Variants in HMCN2 observed in about 807,000 individuals in gnomAD.
HMCN2 encodes the protein hemicentin-2.
A neutral mutation model predicts 377.5 loss-of-function variants in HMCN2; 325 were observed. That is an observed-to-expected ratio of 0.86 (90% CI 0.79 to 0.94). The LOEUF is 0.94. HMCN2 is among the 40% of genes least tolerant of loss of function. The probability of loss-of-function intolerance (pLI) is 0.00; values close to 1 mark genes in which losing one functional copy is unlikely to be tolerated. For synonymous variants in HMCN2, 2,007 were observed against 2,046.8 expected (o/e 0.98, Z 0.53); for missense variants, 4,543 against 4,725.3 (o/e 0.96, Z 1.13).
intron 62 of HMCN2, among the ~76,000 whole-genome samples, chr9:130,389,678 G>A (rs1030278322): frequency 1.3e-5 from 2 of 151,768 alleles, no homozygotes; most frequent in Non-Finnish European, 2.9e-5. Context: ...GGGTTGAAGC[G>A]ATTCTCCTGC....
chr9:130,356,169 T>C lies in HMCN2; in HGVS notation c.5337T>C (p.His1779=), dbSNP rs1356826510. ...ASQGTTLHID[H]VELDHSGLFA... ...AGGGGACCACACTGCACATTGACCA[T>C]GTGGAGCTGGACCACTCAGGCCTCT... The change falls in exon 34 of 98, where the codon CAT becomes CAC. Residue 1779 remains histidine, a synonymous_variant. Transcript: ENST00000683500. 1.5e-6 allele frequency: 2 copies of C among 1,303,054 alleles called. No individual in the cohort carries two copies. Among genetic ancestry groups the C allele is most frequent in the South Asian group, 1.2e-5 (1 of 81,000 alleles). 80.7% of individuals were successfully genotyped at this position (1,303,054 alleles called of 1,614,324 possible).
At chr9:130,384,619 G>C (rs558069188) in intron 58 of HMCN2, 66 bp from the exon 59 acceptor site, 10 of 1,300,328 alleles carry the variant, frequency 7.7e-6, no homozygotes, top group Admixed American at 2.3e-5. Flanking sequence ...GCCGTCAGTC[G>C]TGCAGGGATT....
Position 130,427,592 on chromosome 9 carries a change from C to T in HMCN2, c.14038C>T (p.Leu4680=), listed in dbSNP as rs1217529078. The T allele has an allele frequency of 2.6e-6, 4 of 1,550,326 alleles. No homozygotes were observed. Among genetic ancestry groups the T allele is most frequent in the African/African-American group, 2.7e-5 (2 of 73,068 alleles). ...CTGCACCTGCCCCACTGGCTTCGCCCTGGCCTGGGATGACAGGAACTGCAG... is the reference window on the plus strand; with the variant it reads ...CTGCACCTGCCCCACTGGCTTCGCCTTGGCCTGGGATGACAGGAACTGCAG... ...FSCTCPTGFA[L]AWDDRNCRDV... Residue 4680 remains leucine (L), a synonymous_variant, in exon 92 of 98, where the codon CTG becomes TTG. Coordinates refer to ENST00000683500, the MANE Select transcript of HMCN2 (RefSeq NM_001291815.2).
At chr9:130,300,798 C>T (rs544460739) in intron 8 of HMCN2, among the ~76,000 whole-genome samples, 8 of 152,306 alleles carry the variant, frequency 5.3e-5, no homozygotes, top group South Asian at 2.1e-4. Context: ...GAGGTCTCAC[C>T]GTTCAGGCTG....
chr9:130,404,220 C>T (rs1842981657), intron 80 of HMCN2, among the ~76,000 whole-genome samples: 1 of 152,142 alleles, frequency 6.6e-6, no homozygotes, highest in South Asian at 2.1e-4. Context: ...GCATCACTGG[C>T]CAAAAATCTG....
intron 27 of HMCN2, 134 bp from the exon 28 acceptor site, chr9:130,348,848 GCA>G (rs1839538759): frequency 8.3e-7 from 1 of 1,207,252 alleles, no homozygotes; most frequent in South Asian, 1.4e-5. Context: ...GTGAAGCCTG[GCA>G]GGGGCTGCGT....
intron 53 of HMCN2, among the ~76,000 whole-genome samples, chr9:130,378,906 G>A (rs1322447171): frequency 6.6e-6 from 1 of 152,172 alleles, no homozygotes; most frequent in African/African-American, 2.4e-5. Context: ...CATTTCTAAA[G>A]CTGATGATTT....
chr9:130,371,213 T>C, intron 46 of HMCN2, 82 bp downstream of exon 46: 1 of 812,126 alleles, frequency 1.2e-6, no homozygotes, highest in Non-Finnish European at 1.5e-6. Context: ...GCCCATGACC[T>C]CTGACTCTGA....
Position 130,428,521 on chromosome 9 carries a change from A to G in HMCN2, c.14197+32A>G. 6 of 1,534,236 alleles carry G rather than the reference A, an allele frequency of 3.9e-6. No individual in the cohort carries two copies. The highest frequency in any genetic ancestry group is 5.2e-6 in the Non-Finnish European group (6 of 1,145,340). On this transcript the variant is annotated intron_variant, in intron 93 of 97. Coordinates refer to ENST00000683500, the MANE Select transcript of HMCN2 (RefSeq NM_001291815.2). This position sits in a 1 kb window ranked among gnomAD's most constrained non-coding sequence, Gnocchi z 5.0. ...GGGGCACAGCATGCGGCCTGTCCAT[A>G]CTCCTGGAAACCCAGAGGTTGCCAG...
In HMCN2 at chr9:130,393,140, C is replaced by G. The variant is rs1054946366; in HGVS notation, c.10137-72C>G. 1.8e-5 allele frequency: 16 copies of G among 909,092 alleles called. No homozygotes were observed. Among genetic ancestry groups the G allele is most frequent in the African/African-American group, 7.2e-5 (4 of 55,736 alleles). 56.3% of individuals were successfully genotyped at this position (909,092 alleles called of 1,614,324 possible). A position where few individuals can be genotyped will look rare whatever the true frequency, so the allele number is the denominator to read the frequency against. On this transcript the variant is annotated intron_variant, in intron 66 of 97. Transcript: ENST00000683500. This position sits in a 1 kb window ranked among gnomAD's most constrained non-coding sequence, Gnocchi z 5.2. ...TCCACGCAGCCAGCCTCTCCTGTCT[C>G]TCTCCCTTTCTCTTCCTCTCTCTCT... is the stretch of plus-strand genomic sequence containing the variant.
intron 15 of HMCN2, 142 bp downstream of exon 15, chr9:130,310,203 G>C: frequency 3.9e-6 from 1 of 259,116 alleles, no homozygotes; most frequent in South Asian, 3.5e-5. Flanking sequence ...TGTGGGGACA[G>C]GGGAAGTCCA....
At position 130,369,615 on chromosome 9, in the gene HMCN2, C is replaced by G; in HGVS notation, c.6833C>G (p.Ser2278Cys). Residue 2278 changes from serine to cysteine, a missense_variant, in exon 45 of 98, where the codon TCT (serine) becomes TGT (cysteine). Physicochemically the swap from Ser to Cys is moderately radical, Grantham distance 112. This residue lies in a region of HMCN2 where 1,032 missense variants were observed against 1,285.1 expected (regional missense o/e 0.80). Transcript: ENST00000683500. This position sits in a 1 kb window ranked among gnomAD's most constrained non-coding sequence, Gnocchi z 4.5. ...CCCCGGGAGCCTCCCACACAAGTCTCTGTGGTCCAGGATGGAGTGGCCACT... is the reference window on the plus strand; with the variant it reads ...CCCCGGGAGCCTCCCACACAAGTCTGTGTGGTCCAGGATGGAGTGGCCACT... ...AGPREPPTQV[S>C]VVQDGVATLE... is the part of the protein sequence containing the mutation. 1.0e-6 allele frequency: 1 copy of G among 985,900 alleles called. No individual in the cohort carries two copies. The highest frequency in any genetic ancestry group is 1.2e-6 in the Non-Finnish European group (1 of 829,958). The allele number at this position is 985,900 out of a possible 1,614,324, so 61.1% of individuals were successfully genotyped here. A position where few individuals can be genotyped will look rare whatever the true frequency, so the allele number is the denominator to read the frequency against.
intron 31 of HMCN2, among the ~76,000 whole-genome samples, chr9:130,353,435 C>T (rs966986076): frequency 7.2e-5 from 11 of 152,222 alleles, no homozygotes; most frequent in African/African-American, 2.4e-4. Context: ...TCTAGGAGGC[C>T]ATGGCGGAGC....
chr9:130,429,610 G>T lies in HMCN2; in HGVS notation c.14251G>T (p.Glu4751Ter), dbSNP rs1844613188. 3.2e-6 allele frequency: 5 copies of T among 1,550,288 alleles called. No individual in the cohort carries two copies. Among genetic ancestry groups the T allele is most frequent in the Non-Finnish European group, 4.4e-6 (5 of 1,146,832 alleles). Residue 4751 changes from glutamate (E) to a stop codon, truncating the protein, a stop_gained, in exon 94 of 98, where the codon GAG becomes TAG. Coordinates refer to ENST00000683500, the MANE Select transcript of HMCN2 (RefSeq NM_001291815.2). LOFTEE classifies it high-confidence loss of function. ...CGACTGTCACTACAACCAGCTCTGC[G>T]AGAACACCCCAGGCGGTCACCGCTG... ...LDDCHYNQLCENTPGGHRCSC... is the reference protein window; with the variant it reads ...LDDCHYNQLC
intron 61 of HMCN2, among the ~76,000 whole-genome samples, chr9:130,387,981 C>T (rs958064205): frequency 2.6e-5 from 4 of 152,218 alleles, no homozygotes; most frequent in Non-Finnish European, 4.4e-5. Context: ...GCTCCCAGCC[C>T]TTTCTGATGG....
Position 130,430,401 on chromosome 9 carries a change from G to A in HMCN2, c.14444G>A (p.Cys4815Tyr). 2 of 1,550,424 alleles carry A rather than the reference G, an allele frequency of 1.3e-6. No homozygotes were observed. Among genetic ancestry groups the A allele is most frequent in the Non-Finnish European group, 1.7e-6 (2 of 1,146,972 alleles). ...ACCCTCCTTCGCGACGGCAAGGCCT[G>A]CACCTCACTGGAGCGGAATGGACAA... ...GQTLLRDGKACTSLERNGQNV... is the reference protein window; with the variant it reads ...GQTLLRDGKAYTSLERNGQNV... The change falls in exon 95 of 98, where the codon TGC becomes TAC. Residue 4815 changes from cysteine (C) to tyrosine (Y), a missense_variant. Transcript: ENST00000683500.
chr9:130,433,393 C>T lies in HMCN2; in HGVS notation c.14940C>T (p.Pro4980=), dbSNP rs1006615. The T allele has an allele frequency of 0.38, 565,239 of 1,486,742 alleles. 108,950 individuals carry two copies. The highest frequency in any genetic ancestry group is 0.42 in the Middle Eastern group (1,901 of 4,532). The allele number at this position is 1,486,742 out of a possible 1,614,324, so 92.1% of individuals were successfully genotyped here. The part of the protein sequence containing the change: ...RCSQDCGTGG[P]STLQYRLLPL... Reference sequence around the variant, plus strand: ...CGCAGGACTGCGGCACGGGCGGCCCCTCTACGCTGCAGTACCGGCTGCTGC... The same window carrying T: ...CGCAGGACTGCGGCACGGGCGGCCCTTCTACGCTGCAGTACCGGCTGCTGC... Residue 4980 remains proline (P), a synonymous_variant, in exon 98 of 98, where the codon CCC becomes CCT. Transcript: ENST00000683500.
At chr9:130,372,445 C>A in intron 47 of HMCN2, 38 bp downstream of exon 47, 2 of 809,570 alleles carry the variant, frequency 2.5e-6, no homozygotes, top group Non-Finnish European at 3.0e-6. Flanking sequence ...GCCCTATGAA[C>A]TCTTCCCCAC....
intron 96 of HMCN2, 145 bp downstream of exon 96, chr9:130,431,631 G>A: frequency 7.9e-7 from 1 of 1,258,422 alleles, no homozygotes; most frequent in Non-Finnish European, 1.1e-6. Flanking sequence ...CAGGCTCAGA[G>A]GGGTTCTGTG....
Sources: allele counts gnomAD v4.1 joint callset (sites outside exome capture counted in the v4.1 genomes callset), GRCh38; gene constraint gnomAD v4.1.1; regional missense constraint gnomAD v4.1.1; non-coding constraint Gnocchi (gnomAD v3.1); transcripts MANE v1.5; gene names NCBI Gene and HGNC (gene_info 2026-07-23, HGNC 2026-07-21).